The following HIBADH variants were observed in gnomAD, a reference collection of about 807,000 sequenced individuals.
HIBADH encodes the protein 3-hydroxyisobutyrate dehydrogenase, also known as 3-hydroxyisobutyrate dehydrogenase, mitochondrial.
Under a neutral mutation model 36.1 loss-of-function variants are expected in HIBADH, and 25 were observed. That is an observed-to-expected ratio of 0.69 (90% CI 0.50 to 0.97). HIBADH has a LOEUF of 0.97. Among genes scored for constraint, HIBADH ranks in the 50% least tolerant of loss-of-function variants. HIBADH has a pLI of 0.00. For synonymous variants in HIBADH, 160 were observed against 149.5 expected, an observed-to-expected ratio of 1.07 and a Z score of -0.51; for missense variants, 421 against 418.0, an observed-to-expected ratio of 1.01 and a Z score of -0.06.
intron 4 of HIBADH, among the ~76,000 whole-genome samples, chr7:27,559,386 C>G (rs1336633110): frequency 6.6e-6 from 1 of 152,026 alleles, no homozygotes; most frequent in Non-Finnish European, 1.5e-5. Context: ...TTTTATGAGA[C>G]CAAGGCAGGG....
At chr7:27,531,509 T>C (rs1464126758) in intron 6 of HIBADH, among the ~76,000 whole-genome samples, 161 bp from the exon 7 acceptor site, 6 of 152,234 alleles carry the variant, frequency 3.9e-5, no homozygotes, top group East Asian at 1.9e-4. Context: ...TTTTGAATTA[T>C]AGAGTACTAA....
chr7:27,532,484 G>A (rs1784016482), intron 6 of HIBADH, among the ~76,000 whole-genome samples: 1 of 152,138 alleles, frequency 6.6e-6, no homozygotes, highest in Non-Finnish European at 1.5e-5. Context: ...GAATATCATG[G>A]CCAATAAAAC....
At chr7:27,548,763 G>C (rs1328505958) in intron 4 of HIBADH, among the ~76,000 whole-genome samples, 2 of 152,062 alleles carry the variant, frequency 1.3e-5, no homozygotes, top group South Asian at 2.1e-4. Flanking sequence ...ATAACCAGAA[G>C]AAAATGCCAA....
At chr7:27,630,625 G>T (rs1470567119) in intron 3 of HIBADH, among the ~76,000 whole-genome samples, 1 of 151,996 alleles carries the variant, frequency 6.6e-6, no homozygotes, top group Non-Finnish European at 1.5e-5. Flanking sequence ...ACATAACCAG[G>T]CATGGTGGCT....
At chr7:27,580,162 T>A (rs992506720) in intron 4 of HIBADH, among the ~76,000 whole-genome samples, 1 of 152,152 alleles carries the variant, frequency 6.6e-6, no homozygotes, top group Non-Finnish European at 1.5e-5. Flanking sequence ...AGAAATGCAA[T>A]CAATTATATT....
At chr7:27,557,673 G>C (rs1035548691) in intron 4 of HIBADH, among the ~76,000 whole-genome samples, 2 of 152,112 alleles carry the variant, frequency 1.3e-5, no homozygotes, top group Non-Finnish European at 2.9e-5. Context: ...GAAGACAGAA[G>C]GGCAAGCAGA....
intron 4 of HIBADH, among the ~76,000 whole-genome samples, chr7:27,625,652 A>C (rs1358988741): frequency 6.6e-6 from 1 of 152,134 alleles, no homozygotes; most frequent in African/African-American, 2.4e-5. Flanking sequence ...TACACTTTAT[A>C]CCGCACATAT....
intron 4 of HIBADH, among the ~76,000 whole-genome samples, chr7:27,576,511 CA>C (rs1413418914): frequency 1.6e-4 from 25 of 152,178 alleles, no homozygotes; most frequent in Non-Finnish European, 2.2e-4. Flanking sequence ...TGTTCTGGTT[CA>C]TTAAAAGTTG....
chr7:27,597,859 T>C (rs1785056921), intron 4 of HIBADH, among the ~76,000 whole-genome samples: 1 of 152,176 alleles, frequency 6.6e-6, no homozygotes, highest in African/African-American at 2.4e-5. Flanking sequence ...AAAATATTAA[T>C]GGCAAATAGC....
intron 4 of HIBADH, among the ~76,000 whole-genome samples, chr7:27,614,885 C>T (rs1252905248): frequency 1.3e-5 from 2 of 152,274 alleles, no homozygotes; most frequent in South Asian, 4.1e-4. Flanking sequence ...ACAAATGCCC[C>T]TTAGAGCCAG....
At chr7:27,554,215 A>G (rs1175455738) in intron 4 of HIBADH, among the ~76,000 whole-genome samples, 1 of 152,092 alleles carries the variant, frequency 6.6e-6, no homozygotes, top group Admixed American at 6.5e-5. Flanking sequence ...CGAACTCCTG[A>G]CCTCAGGTGA....
chr7:27,618,859 C>A (rs1167423083), intron 4 of HIBADH, among the ~76,000 whole-genome samples: 1 of 151,946 alleles, frequency 6.6e-6, no homozygotes, highest in African/African-American at 2.4e-5. Context: ...GGGGAAGGTG[C>A]CACACACTTT....
intron 1 of HIBADH, among the ~76,000 whole-genome samples, chr7:27,661,786 A>G (rs1298892232): frequency 6.6e-6 from 1 of 152,130 alleles, no homozygotes; most frequent in Middle Eastern, 3.2e-3. Flanking sequence ...GTGCCCCCAC[A>G]AATCAACCAA....
chr7:27,621,597 G>A (rs1785544428), intron 4 of HIBADH, among the ~76,000 whole-genome samples: 1 of 152,040 alleles, frequency 6.6e-6, no homozygotes, highest in African/African-American at 2.4e-5. Context: ...TTTGAGACCA[G>A]CCTGACCAAC....
At chr7:27,589,635 T>C (rs1417276621) in intron 4 of HIBADH, among the ~76,000 whole-genome samples, 3 of 152,170 alleles carry the variant, frequency 2.0e-5, no homozygotes, top group Non-Finnish European at 4.4e-5. Context: ...TGATTCTAAC[T>C]CCACTGTCTT....
At chr7:27,609,568 C>G (rs1321969998) in intron 4 of HIBADH, among the ~76,000 whole-genome samples, 2 of 152,126 alleles carry the variant, frequency 1.3e-5, no homozygotes, top group Non-Finnish European at 2.9e-5. Flanking sequence ...GTTCTGTGTA[C>G]TAGTACTGAT....
At chr7:27,544,301 C>T (rs1291622374) in intron 4 of HIBADH, among the ~76,000 whole-genome samples, 1 of 152,140 alleles carries the variant, frequency 6.6e-6, no homozygotes, top group East Asian at 1.9e-4. Flanking sequence ...ACAGTTTATA[C>T]TATTCATAAG....
chr7:27,611,434 T>C (rs1785319913), intron 4 of HIBADH, among the ~76,000 whole-genome samples: 1 of 152,124 alleles, frequency 6.6e-6, no homozygotes, highest in Admixed American at 6.5e-5. Context: ...TAGCATTCAT[T>C]ATAGACGAGA....
intron 7 of HIBADH, among the ~76,000 whole-genome samples, chr7:27,527,650 C>T (rs1299453707): frequency 6.6e-6 from 1 of 152,136 alleles, no homozygotes; most frequent in Non-Finnish European, 1.5e-5. Flanking sequence ...TTTCCAACAG[C>T]ATGTGCCCAG....
Sources: gnomAD v4.1 joint callset for allele counts (sites outside exome capture counted in the v4.1 genomes callset) on GRCh38, gnomAD v4.1.1 for gene constraint, MANE v1.5 for transcripts, NCBI Gene and HGNC (gene_info 2026-07-23, HGNC 2026-07-21) for gene names.